The following THNSL1 variants were observed in gnomAD, a reference collection of about 807,000 sequenced individuals.
THNSL1 encodes threonine synthase like 1, also known as threonine synthase-like 1.
Under a neutral mutation model 50.4 loss-of-function variants are expected in THNSL1, and 48 were observed. The ratio of observed to expected loss-of-function variants is 0.95; its 90% CI spans 0.76 to 1.21. The LOEUF is 1.21. THNSL1 is among the 50% of genes most tolerant of loss of function. The pLI is 0.00. For synonymous variants in THNSL1, 309 were observed against 306.1 expected (o/e 1.01, Z -0.10); for missense variants, 896 against 871.7 (o/e 1.03, Z -0.35).
At chr10:24,966,066 T>G in the THNSL1 span, among the ~76,000 whole-genome samples, 1 of 152,232 alleles carries the variant, frequency 6.6e-6, no homozygotes, top group Admixed American at 6.5e-5. Flanking sequence ...GGATATTGAC[T>G]CAATAGAGGA....
chr10:24,986,393 A>C, the THNSL1 span, among the ~76,000 whole-genome samples: 10 of 152,194 alleles, frequency 6.6e-5, no homozygotes, highest in Non-Finnish European at 1.2e-4. Flanking sequence ...GAAAGGATAG[A>C]AGAAAAAGTA....
the THNSL1 span, among the ~76,000 whole-genome samples, chr10:24,967,533 T>C: frequency 6.6e-6 from 1 of 152,050 alleles, no homozygotes; most frequent in African/African-American, 2.4e-5. Flanking sequence ...CTTAATTCAA[T>C]GTTTAGGTCC....
the THNSL1 span, among the ~76,000 whole-genome samples, chr10:24,960,374 A>G: frequency 6.6e-6 from 1 of 152,060 alleles, no homozygotes; most frequent in Non-Finnish European, 1.5e-5. Flanking sequence ...TATGGGTTGC[A>G]CTTGAAGGAA....
the THNSL1 span, among the ~76,000 whole-genome samples, chr10:24,973,609 G>T: frequency 6.6e-6 from 1 of 151,662 alleles, no homozygotes; most frequent in South Asian, 2.1e-4. Flanking sequence ...GAGAATACAT[G>T]AAAAAAATTA....
chr10:24,993,733 T>C, the THNSL1 span, among the ~76,000 whole-genome samples: 1 of 152,254 alleles, frequency 6.6e-6, no homozygotes, highest in African/African-American at 2.4e-5. Context: ...TGCACAGTGC[T>C]TTCATGGTTT....
the THNSL1 span, among the ~76,000 whole-genome samples, chr10:24,964,289 A>C: frequency 6.6e-6 from 1 of 152,202 alleles, no homozygotes; most frequent in Non-Finnish European, 1.5e-5. Flanking sequence ...CTCTGTTTTT[A>C]GGAGGTAAAT....
At chr10:25,016,262 A>G, upstream of THNSL1, 1 of 869,418 alleles carries the variant, frequency 1.2e-6, no homozygotes, top group African/African-American at 1.8e-5. Context: ...CTGCTAGAGA[A>G]GCTCATTTGG....
At chr10:24,964,737 G>A in the THNSL1 span, among the ~76,000 whole-genome samples, 1 of 152,230 alleles carries the variant, frequency 6.6e-6, no homozygotes, top group Admixed American at 6.5e-5. Flanking sequence ...GGATCCAGAA[G>A]TGAGCTTCCC....
rs749857843 is a variant in THNSL1 at position 25,023,483 on chromosome 10, A to G, written c.260A>G (p.Asp87Gly). 6.2e-7 allele frequency: 1 copy of G among 1,614,154 alleles called. No individual in the cohort carries two copies. The highest frequency in any genetic ancestry group is 8.5e-7 in the Non-Finnish European group (1 of 1,180,012). Residue 87 changes from aspartate to glycine, a missense_variant, in exon 3 of 3, where the codon GAT (aspartate) becomes GGT (glycine). By Grantham distance (94) the Asp-to-Gly change is moderately conservative (BLOSUM62 -1). Transcript: ENST00000376356. Reference sequence around the variant, plus strand: ...CTAGGTTGTTGTGTCATAGATGTGGATGATGATATCCTTGAAAAAACCTGG... The same window carrying G: ...CTAGGTTGTTGTGTCATAGATGTGGGTGATGATATCCTTGAAAAAACCTGG... ...QKLGCCVIDV[D>G]DDILEKTWNM...
At chr10:24,958,204 A>T in the THNSL1 span, among the ~76,000 whole-genome samples, 1 of 148,904 alleles carries the variant, frequency 6.7e-6, no homozygotes, top group Non-Finnish European at 1.5e-5. Context: ...AAAAAAAAAA[A>T]CCTTTCAGTC....
At chr10:25,003,246 G>T in the THNSL1 span, among the ~76,000 whole-genome samples, 1 of 151,682 alleles carries the variant, frequency 6.6e-6, no homozygotes. Flanking sequence ...CAGTGGTGTT[G>T]CCCAGGCTGG....
the THNSL1 span, among the ~76,000 whole-genome samples, chr10:24,990,868 G>A: frequency 7.0e-6 from 1 of 143,578 alleles, no homozygotes; most frequent in South Asian, 2.1e-4. Flanking sequence ...CTGAGGGGTG[G>A]GGGGGTGGAT....
At chr10:24,981,576 C>T in the THNSL1 span, among the ~76,000 whole-genome samples, 8 of 152,074 alleles carry the variant, frequency 5.3e-5, no homozygotes, top group African/African-American at 1.9e-4. Flanking sequence ...GGCCTAGCAC[C>T]AACTGGACAA....
At chr10:24,956,764 G>C in the THNSL1 span, among the ~76,000 whole-genome samples, 83 of 152,236 alleles carry the variant, frequency 5.5e-4, no homozygotes, top group African/African-American at 1.9e-3. Flanking sequence ...CAACTACCGG[G>C]CTGCAAACTG....
the THNSL1 span, chr10:24,999,627 A>G: frequency 3.2e-6 from 4 of 1,251,438 alleles, no homozygotes; most frequent in African/African-American, 4.6e-5. Context: ...TAAATCTTAC[A>G]TTTTTAATTT....
the THNSL1 span, chr10:24,995,743 A>C: frequency 6.2e-7 from 1 of 1,613,890 alleles, no homozygotes; most frequent in South Asian, 1.1e-5. Flanking sequence ...CTTTTTAGCC[A>C]CTCCCATGAT....
At position 25,024,908 on chromosome 10, in the gene THNSL1, C is replaced by A. The variant is rs774998745; in HGVS notation, c.1685C>A (p.Pro562Gln). The A allele has an allele frequency of 6.2e-7, 1 of 1,613,764 alleles. No homozygotes were observed. Among genetic ancestry groups the A allele is most frequent in the Non-Finnish European group, 8.5e-7 (1 of 1,179,986 alleles). Residue 562 changes from proline to glutamine, a missense_variant, in exon 3 of 3, where the codon CCG becomes CAG. Coordinates refer to ENST00000376356, the MANE Select transcript of THNSL1 (RefSeq NM_024838.5). ...AGAAAACTAGCACAAACCTTTTCAC[C>A]GTCAATAGATATTCTCAAATCTTCA... is the stretch of plus-strand genomic sequence containing the variant. Reference protein sequence around the residue: ...RERKLAQTFSPSIDILKSSNL... With the variant: ...RERKLAQTFSQSIDILKSSNL...
the THNSL1 span, among the ~76,000 whole-genome samples, chr10:24,957,512 G>A: frequency 2.0e-5 from 3 of 152,020 alleles, no homozygotes; most frequent in African/African-American, 7.3e-5. Flanking sequence ...ACGGAGTCTT[G>A]CTCTGTTGCC....
chr10:24,979,354 C>G, the THNSL1 span, among the ~76,000 whole-genome samples: 2 of 152,250 alleles, frequency 1.3e-5, no homozygotes, highest in South Asian at 4.1e-4. Context: ...AGACTACAAA[C>G]AATGCAACAG....
Sources: gnomAD v4.1 joint callset for allele counts (sites outside exome capture counted in the v4.1 genomes callset) on GRCh38, gnomAD v4.1.1 for gene constraint, MANE v1.5 for transcripts, NCBI Gene and HGNC (gene_info 2026-07-23, HGNC 2026-07-21) for gene names.